NXPE2: variants seen among roughly 807,000 people sequenced by gnomAD.
The protein encoded by NXPE2 is neurexophilin and PC-esterase domain family member 2.
Under a neutral mutation model 34.4 loss-of-function variants are expected in NXPE2, and 34 were observed. The observed-to-expected ratio is 0.99, with a 90% CI of 0.75 to 1.31. The LOEUF (loss-of-function observed/expected upper bound fraction) is 1.31. NXPE2 is among the 40% of genes most tolerant of loss of function. NXPE2 has a pLI of 0.00. For synonymous variants in NXPE2, 235 were observed against 231.3 expected (o/e 1.02, Z -0.15); for missense variants, 649 against 672.5 (o/e 0.97, Z 0.39).
At chr11:114,469,559 G>A in the NXPE2 span, among the ~76,000 whole-genome samples, 23 of 151,464 alleles carry the variant, frequency 1.5e-4, no homozygotes, top group African/African-American at 2.4e-4. Context: ...GTGCAATCTC[G>A]GATCACTGCA....
the NXPE2 span, among the ~76,000 whole-genome samples, chr11:114,513,992 T>C: frequency 6.6e-6 from 1 of 152,212 alleles, no homozygotes; most frequent in African/African-American, 2.4e-5. Context: ...TGCCACATAG[T>C]TTTACTTCCC....
the NXPE2 span, among the ~76,000 whole-genome samples, chr11:114,752,467 A>C: frequency 6.6e-6 from 1 of 152,222 alleles, no homozygotes; most frequent in African/African-American, 2.4e-5. Flanking sequence ...TATCACTATC[A>C]ACAACAGAGA....
the NXPE2 span, among the ~76,000 whole-genome samples, chr11:114,547,690 G>A: frequency 6.6e-6 from 1 of 152,098 alleles, no homozygotes; most frequent in African/African-American, 2.4e-5. Context: ...AGCCGAGATG[G>A]CACTACTGCA....
the NXPE2 span, among the ~76,000 whole-genome samples, chr11:114,631,736 G>A: frequency 7.9e-5 from 12 of 151,398 alleles, no homozygotes; most frequent in Middle Eastern, 6.8e-3. Context: ...GTATTGCCTC[G>A]TGGGTAACCA....
chr11:114,514,035 C>T, the NXPE2 span, among the ~76,000 whole-genome samples: 589 of 152,270 alleles, frequency 3.9e-3, 5 homozygotes, highest in African/African-American at 0.013. Flanking sequence ...TTATAAATAC[C>T]TTTCTAGAGT....
chr11:114,706,507 C>CA lies in NXPE2; in HGVS notation c.1263dup (p.Leu422IlefsTer7). 1.9e-6 allele frequency: 3 copies of CA among 1,551,580 alleles called. No homozygotes were observed. The highest frequency in any genetic ancestry group is 1.4e-5 in the African/African-American group (1 of 73,102). ...AAAAACATGGTCATCCATTTGTTACCAAAAAATTATTCTCAGTGAAAGATG... is the reference window on the plus strand; with the variant it reads ...AAAAACATGGTCATCCATTTGTTACCAAAAAAATTATTCTCAGTGAAAGATG... On this transcript the variant is annotated frameshift_variant, in exon 6 of 6. Coordinates refer to ENST00000389586, the MANE Select transcript of NXPE2 (RefSeq NM_182495.6). LOFTEE classifies it low-confidence loss of function (END_TRUNC).
chr11:114,710,896 G>T (rs780801364), downstream of NXPE2, among the ~76,000 whole-genome samples: 1 of 152,000 alleles, frequency 6.6e-6, no homozygotes, highest in Non-Finnish European at 1.5e-5. Context: ...CATATACCAT[G>T]ACCAAATGGC....
chr11:114,751,621 T>C, the NXPE2 span, among the ~76,000 whole-genome samples: 1 of 152,108 alleles, frequency 6.6e-6, no homozygotes, highest in Non-Finnish European at 1.5e-5. Flanking sequence ...AAAGCTTAAA[T>C]ATTTCAGTCG....
At chr11:114,488,791 T>G in the NXPE2 span, among the ~76,000 whole-genome samples, 1 of 151,938 alleles carries the variant, frequency 6.6e-6, no homozygotes, top group East Asian at 1.9e-4. Flanking sequence ...ACATCACAAT[T>G]AAAAGAACTA....
chr11:114,556,680 A>G, the NXPE2 span, among the ~76,000 whole-genome samples: 1 of 151,846 alleles, frequency 6.6e-6, no homozygotes, highest in Non-Finnish European at 1.5e-5. Flanking sequence ...TAGTGCTTTC[A>G]TATCATTTTT....
the NXPE2 span, among the ~76,000 whole-genome samples, chr11:114,556,026 G>A: frequency 1.6e-4 from 25 of 152,130 alleles, no homozygotes; most frequent in African/African-American, 5.6e-4. Flanking sequence ...AGTACCTAAG[G>A]GTGGAATGAC....
the NXPE2 span, among the ~76,000 whole-genome samples, chr11:114,601,763 G>GTA: frequency 0.014 from 922 of 66,776 alleles, 211 homozygotes; most frequent in African/African-American, 0.059. Flanking sequence ...ATATATATGT[G>GTA]ATTATATATT....
the NXPE2 span, among the ~76,000 whole-genome samples, chr11:114,470,362 G>C: frequency 6.6e-6 from 1 of 152,164 alleles, no homozygotes; most frequent in South Asian, 2.1e-4. Context: ...CATTTAATAT[G>C]CTTACTCATT....
the NXPE2 span, among the ~76,000 whole-genome samples, chr11:114,641,061 A>G: frequency 5.3e-5 from 8 of 152,074 alleles, no homozygotes; most frequent in Non-Finnish European, 1.2e-4. Flanking sequence ...AGAAAGAAGA[A>G]CCAGTTGAAG....
At chr11:114,803,827 C>G in the NXPE2 span, among the ~76,000 whole-genome samples, 1 of 152,072 alleles carries the variant, frequency 6.6e-6, no homozygotes, top group Non-Finnish European at 1.5e-5. Flanking sequence ...ATCCGCCCAC[C>G]TCGGCCTCCC....
the NXPE2 span, among the ~76,000 whole-genome samples, chr11:114,752,737 T>C: frequency 1.3e-5 from 2 of 152,198 alleles, no homozygotes; most frequent in Non-Finnish European, 2.9e-5. Flanking sequence ...TGTGGGAGTC[T>C]GGCAGTTTCA....
chr11:114,749,879 T>C, the NXPE2 span, among the ~76,000 whole-genome samples: 11 of 152,262 alleles, frequency 7.2e-5, no homozygotes, highest in African/African-American at 2.6e-4. Flanking sequence ...CTGTGCCTGA[T>C]TCCCCACCCA....
At chr11:114,629,379 T>C in the NXPE2 span, among the ~76,000 whole-genome samples, 1 of 151,976 alleles carries the variant, frequency 6.6e-6, no homozygotes, top group Non-Finnish European at 1.5e-5. Flanking sequence ...CACAAATCAA[T>C]AAATGTAATC....
the NXPE2 span, among the ~76,000 whole-genome samples, chr11:114,545,863 A>AT: frequency 6.6e-6 from 1 of 151,702 alleles, no homozygotes. Context: ...TAATTTTTGT[A>AT]TTTTTTTAAT....
Sources: allele counts gnomAD v4.1 joint callset (sites outside exome capture counted in the v4.1 genomes callset), GRCh38; gene constraint gnomAD v4.1.1; transcripts MANE v1.5; gene names NCBI Gene and HGNC (gene_info 2026-07-23, HGNC 2026-07-21).